GRIK4: variants seen among roughly 807,000 people sequenced by gnomAD.
GRIK4 encodes the protein glutamate receptor ionotropic, kainate 4.
GRIK4 carries 40 observed loss-of-function variants against 104.9 expected under a neutral mutation model. The observed-to-expected ratio is 0.38, with a 90% CI of 0.30 to 0.50. GRIK4 has a LOEUF of 0.50. GRIK4 is among the 20% of genes least tolerant of loss of function. GRIK4 has a pLI of 0.93. For missense variants in GRIK4, 1,047 were observed against 1,308.1 expected (o/e 0.80, Z 3.08); for synonymous variants, 485 against 524.9 (o/e 0.92, Z 1.04).
At chr11:120,723,792 GT>G (rs35695505) in intron 3 of GRIK4, among the ~76,000 whole-genome samples, 5,297 of 150,376 alleles carry the variant, frequency 0.035, 116 homozygotes, top group East Asian at 0.093. Flanking sequence ...GGTAGCACCT[GT>G]TTTTTTTTTA....
chr11:120,671,618 C>G (rs201422364), intron 3 of GRIK4, among the ~76,000 whole-genome samples: 2 of 152,082 alleles, frequency 1.3e-5, no homozygotes, highest in South Asian at 4.1e-4. Context: ...CTTGTAGATT[C>G]TGGATATTAG....
At chr11:120,622,218 T>G (rs1949198501) in intron 1 of GRIK4, among the ~76,000 whole-genome samples, 1 of 152,146 alleles carries the variant, frequency 6.6e-6, no homozygotes, top group Non-Finnish European at 1.5e-5. Context: ...TATTTTTAAC[T>G]GTGACAAATG....
chr11:120,692,824 T>C (rs566752653), intron 3 of GRIK4, among the ~76,000 whole-genome samples: 2 of 152,112 alleles, frequency 1.3e-5, no homozygotes, highest in African/African-American at 4.8e-5. Context: ...CTCTGCCTCC[T>C]GGGTTCAAGC....
chr11:120,985,777 C>A, intron 20 of GRIK4, 127 bp from the exon 21 acceptor site: 1 of 778,112 alleles, frequency 1.3e-6, no homozygotes, highest in South Asian at 1.8e-5. Context: ...AGGCTTTTAT[C>A]ATCTTCATAC....
intron 14 of GRIK4, among the ~76,000 whole-genome samples, chr11:120,943,152 C>CA (rs1413495598): frequency 0.098 from 9,310 of 95,276 alleles, 490 homozygotes; most frequent in Middle Eastern, 0.19. Context: ...ACACACACAC[C>CA]CCCCTGACTG....
Position 120,786,786 on chromosome 11 carries a change from G to C in GRIK4, c.83-15907G>C, listed in dbSNP as rs146175538. Reference sequence around the variant, plus strand: ...TTTCCGAGAAAATAGATGCCATCCAGCTCAGCCTCTCTCAACACCCCCCAC... The same window carrying C: ...TTTCCGAGAAAATAGATGCCATCCACCTCAGCCTCTCTCAACACCCCCCAC... On this transcript the variant is annotated intron_variant, in intron 3 of 20. Transcript: ENST00000527524. Among the ~76,000 whole-genome samples, 14 of 152,240 alleles carry C rather than the reference G, an allele frequency of 9.2e-5. 2 individuals carry two copies. The highest frequency in any genetic ancestry group is 3.4e-4 in the African/African-American group (14 of 41,532).
At chr11:120,893,856 A>C (rs1447853399) in intron 11 of GRIK4, among the ~76,000 whole-genome samples, 1 of 152,098 alleles carries the variant, frequency 6.6e-6, no homozygotes, top group East Asian at 1.9e-4. Context: ...GCACTGAAGC[A>C]CTGTTAATCT....
Position 120,986,614 on chromosome 11 carries a change from T to C in GRIK4, c.*354T>C, listed in dbSNP as rs1263271574. 1 of 206,804 alleles carries C rather than the reference T, an allele frequency of 4.8e-6. No homozygotes were observed. Among genetic ancestry groups the C allele is most frequent in the Non-Finnish European group, 9.5e-6 (1 of 105,278 alleles). 12.8% of individuals were successfully genotyped at this position (206,804 alleles called of 1,614,324 possible). ...TCCAATGAATTGGTGGAATCATCAG[T>C]TGAATTTCCCCCTAGTCAGGGGCCA... On this transcript the variant is annotated 3_prime_UTR_variant, in exon 21 of 21. Coordinates refer to ENST00000527524, the MANE Select transcript of GRIK4 (RefSeq NM_014619.5).
intron 8 of GRIK4, among the ~76,000 whole-genome samples, chr11:120,844,812 A>C (rs1458308646): frequency 1.3e-5 from 2 of 152,162 alleles, no homozygotes. Flanking sequence ...GATCCAAGAG[A>C]CACAATTTCA....
At chr11:120,970,424 T>G (rs946139475) in intron 19 of GRIK4, among the ~76,000 whole-genome samples, 1 of 152,194 alleles carries the variant, frequency 6.6e-6, no homozygotes, top group African/African-American at 2.4e-5. Context: ...GATTTCCTGC[T>G]TTCCTTTCAT....
chr11:120,718,341 C>A (rs1319325208), intron 3 of GRIK4, among the ~76,000 whole-genome samples: 1 of 152,190 alleles, frequency 6.6e-6, no homozygotes, highest in African/African-American at 2.4e-5. Flanking sequence ...ATGTGACCAG[C>A]GTCTCTGAGT....
intron 7 of GRIK4, among the ~76,000 whole-genome samples, chr11:120,835,532 A>G (rs530705062): frequency 1.1e-5 from 1 of 92,136 alleles, no homozygotes; most frequent in African/African-American, 3.4e-5. Flanking sequence ...TGACTCAAAG[A>G]AAAAACAAAC....
At chr11:120,965,496 C>T (rs904770729) in intron 18 of GRIK4, among the ~76,000 whole-genome samples, 4 of 151,740 alleles carry the variant, frequency 2.6e-5, no homozygotes, top group African/African-American at 7.3e-5. Context: ...GCTTGGGGTT[C>T]GGGTCCAACA....
intron 3 of GRIK4, among the ~76,000 whole-genome samples, chr11:120,792,688 T>C (rs1347907536): frequency 6.6e-6 from 1 of 152,106 alleles, no homozygotes; most frequent in Non-Finnish European, 1.5e-5. Flanking sequence ...GCACGATGCC[T>C]GGGTAGCTGG....
At chr11:120,897,484 A>G (rs1942611737) in intron 11 of GRIK4, among the ~76,000 whole-genome samples, 2 of 151,132 alleles carry the variant, frequency 1.3e-5, no homozygotes, top group Admixed American at 6.6e-5. Context: ...AAATACAAAA[A>G]TTAGCTGGGG....
Position 120,867,004 on chromosome 11 carries a change from G to A in GRIK4, c.906+4884G>A, listed in dbSNP as rs73007807. 4.3e-3 allele frequency among the ~76,000 whole-genome samples: 656 copies of A among 152,216 alleles called. 6 individuals carry two copies. The highest frequency in any genetic ancestry group is 7.7e-3 in the Non-Finnish European group (521 of 68,014). On this transcript the variant is annotated intron_variant, in intron 9 of 20. Coordinates refer to ENST00000527524, the MANE Select transcript of GRIK4 (RefSeq NM_014619.5). Reference sequence around the variant, plus strand: ...CTTTTGGACAAGTGGGGAAACTGAGGCACGGACGTGCTGGATGGCACATCA... The same window carrying A: ...CTTTTGGACAAGTGGGGAAACTGAGACACGGACGTGCTGGATGGCACATCA...
chr11:120,546,137 C>T, intron 1 of GRIK4, among the ~76,000 whole-genome samples: 1 of 152,190 alleles, frequency 6.6e-6, no homozygotes, highest in Non-Finnish European at 1.5e-5. Flanking sequence ...GCTGCATCCT[C>T]CAAGGGGGAA....
intron 1 of GRIK4, among the ~76,000 whole-genome samples, chr11:120,632,101 T>C (rs1949339898): frequency 6.6e-6 from 1 of 152,088 alleles, no homozygotes; most frequent in Admixed American, 6.5e-5. Context: ...AGTGTGATGG[T>C]ATTAAGAAGT....
chr11:120,747,521 A>C (rs1373645999), intron 3 of GRIK4, among the ~76,000 whole-genome samples: 2 of 152,190 alleles, frequency 1.3e-5, no homozygotes. Context: ...TAAAGTCAGG[A>C]GTGTTAAGGT....
Sources: allele counts gnomAD v4.1 joint callset (sites outside exome capture counted in the v4.1 genomes callset), GRCh38; gene constraint gnomAD v4.1.1; transcripts MANE v1.5; gene names NCBI Gene and HGNC (gene_info 2026-07-23, HGNC 2026-07-21).